CCDC66: variants seen among roughly 807,000 people sequenced by gnomAD.
CCDC66 encodes the protein coiled-coil domain containing 66, also known as coiled-coil domain-containing protein 66.
CCDC66 carries 133 observed loss-of-function variants against 128.3 expected under a neutral mutation model. That is an observed-to-expected ratio of 1.04 (90% CI 0.90 to 1.20). The LOEUF (loss-of-function observed/expected upper bound fraction) is 1.20. Ranked by LOEUF, CCDC66 falls within the 50% of genes most tolerant of loss-of-function variation. The pLI, the probability that CCDC66 is intolerant of heterozygous loss-of-function variation, is 0.00. For missense variants in CCDC66, 1,126 were observed against 1,075.5 expected, an observed-to-expected ratio of 1.05 and a Z score of -0.66; for synonymous variants, 387 against 357.0, an observed-to-expected ratio of 1.08 and a Z score of -0.95.
intron 7 of CCDC66, among the ~76,000 whole-genome samples, chr3:56,585,456 C>G (rs757951605): frequency 6.6e-6 from 1 of 151,700 alleles, no homozygotes; most frequent in Non-Finnish European, 1.5e-5. Flanking sequence ...AAAATACAAT[C>G]TTGAATCATA....
chr3:56,571,204 A>G lies in CCDC66; in HGVS notation c.838A>G (p.Lys280Glu), dbSNP rs1248352428. The change falls in exon 7 of 18, where the codon AAA (lysine) becomes GAA (glutamate). Residue 280 changes from lysine to glutamate, a missense_variant. Transcript: ENST00000394672. Reference protein sequence around the residue: ...ELDEQVALKKKEKEVSEKWND... With the variant: ...ELDEQVALKKEEKEVSEKWND... ...AGATGAACAGGTTGCTTTAAAGAAG[A>G]AAGAAAAAGAAGTTTCTGAAAAATG... 2 of 1,529,034 alleles carry G rather than the reference A, an allele frequency of 1.3e-6. No individual in the cohort carries two copies. The highest frequency in any genetic ancestry group is 1.2e-5 in the South Asian group (1 of 84,110). The allele number at this position is 1,529,034 out of a possible 1,614,324, so 94.7% of individuals were successfully genotyped here.
intron 10 of CCDC66, among the ~76,000 whole-genome samples, chr3:56,602,342 CT>C (rs1314434266): frequency 1.3e-5 from 2 of 152,142 alleles, no homozygotes; most frequent in African/African-American, 2.4e-5. Flanking sequence ...GCTGGATAAG[CT>C]TTTTGATGTG....
At chr3:56,597,777 G>GTTTTTTTTTTTTTTGTTTTTT (rs2072315627) in intron 10 of CCDC66, among the ~76,000 whole-genome samples, 1 of 87,964 alleles carries the variant, frequency 1.1e-5, no homozygotes, top group Non-Finnish European at 2.1e-5. Context: ...TTGTTTTGGG[G>GTTTTTTTTTTTTTTGTTTTTT]TTTTTTTTTT....
intron 10 of CCDC66, among the ~76,000 whole-genome samples, chr3:56,598,418 C>T (rs2072524978): frequency 6.6e-6 from 1 of 150,596 alleles, no homozygotes; most frequent in Non-Finnish European, 1.5e-5. Flanking sequence ...ATTTATCTTG[C>T]CTGGTTGCTC....
At chr3:56,612,738 A>G (rs2075014283) in intron 10 of CCDC66, among the ~76,000 whole-genome samples, 2 of 152,084 alleles carry the variant, frequency 1.3e-5, no homozygotes, top group South Asian at 4.1e-4. Context: ...TGGCAGGTTG[A>G]TTGGGCCCAT....
rs551012431 is a variant in CCDC66 at position 56,599,238 on chromosome 3, G to C, written c.1404+5210G>C. Among the ~76,000 whole-genome samples, 28 of 152,012 alleles carry C rather than the reference G, an allele frequency of 1.8e-4. No individual in the cohort carries two copies. The South Asian group carries it at 5.8e-3, about 32-fold the overall frequency. On this transcript the variant is annotated intron_variant, in intron 10 of 17. Transcript: ENST00000394672. ...TCATAATAGCCTCTGATGATCTCTT[G>C]TATTTCTGTGGTATCAGTTGTAATT...
chr3:56,580,238 T>C (rs1221746903), intron 7 of CCDC66, among the ~76,000 whole-genome samples: 2 of 151,362 alleles, frequency 1.3e-5, no homozygotes, highest in Non-Finnish European at 2.9e-5. Flanking sequence ...CAACCCCTGC[T>C]TTTTTTTGTT....
chr3:56,619,701 G>A (rs2107457946), intron 16 of CCDC66, 76 bp from the exon 17 acceptor site: 3 of 1,542,882 alleles, frequency 1.9e-6, no homozygotes, highest in African/African-American at 2.8e-5. Context: ...AATGACTCCT[G>A]ACAATATTAT....
chr3:56,557,304 C>T, intron 1 of CCDC66, 51 bp downstream of exon 1: 1 of 1,525,414 alleles, frequency 6.6e-7, no homozygotes, highest in Non-Finnish European at 8.8e-7. Flanking sequence ...TGGTCGTCAG[C>T]GGAGAGGGAG....
intron 10 of CCDC66, among the ~76,000 whole-genome samples, chr3:56,612,648 C>T (rs1157274287): frequency 2.6e-5 from 4 of 152,044 alleles, no homozygotes; most frequent in Admixed American, 2.0e-4. Context: ...GTGGTGTTGG[C>T]GGTGGCTATA....
chr3:56,577,312 C>G (rs57861120), intron 7 of CCDC66, among the ~76,000 whole-genome samples: 1 of 151,584 alleles, frequency 6.6e-6, no homozygotes, highest in African/African-American at 2.4e-5. Flanking sequence ...TTTATAGATT[C>G]TGGATATTAG....
intron 5 of CCDC66, 32 bp from the exon 6 acceptor site, chr3:56,566,918 C>G (rs767769085): frequency 6.4e-7 from 1 of 1,556,298 alleles, no homozygotes; most frequent in Non-Finnish European, 8.8e-7. Context: ...ATGTATGATA[C>G]AGTTTCTGTT....
At chr3:56,588,363 C>G (rs554847632) in intron 7 of CCDC66, among the ~76,000 whole-genome samples, 1 of 152,208 alleles carries the variant, frequency 6.6e-6, no homozygotes, top group Non-Finnish European at 1.5e-5. Flanking sequence ...CTATACTGCT[C>G]GGGTGATGCA....
chr3:56,590,725 C>T (rs1276326565), intron 7 of CCDC66, among the ~76,000 whole-genome samples: 1 of 151,730 alleles, frequency 6.6e-6, no homozygotes, highest in Non-Finnish European at 1.5e-5. Flanking sequence ...TGCACTCCAG[C>T]CTGGGTGACA....
Position 56,584,827 on chromosome 3 carries a change from C to T in CCDC66, c.937-8143C>T, listed in dbSNP as rs564033449. Among the ~76,000 whole-genome samples, 231 of 152,042 alleles carry T rather than the reference C, an allele frequency of 1.5e-3. 1 individual carries two copies. Among genetic ancestry groups the T allele is most frequent in the African/African-American group, 5.4e-3 (223 of 41,554 alleles). ...ATTGAGCACTGAGTGAACGAGACTC[C>T]GTCTGCAATCCCAGCACCTCGGGAG... On this transcript the variant is annotated intron_variant, in intron 7 of 17. Transcript: ENST00000394672.
intron 7 of CCDC66, among the ~76,000 whole-genome samples, chr3:56,581,536 C>A (rs988366521): frequency 2.2e-4 from 34 of 151,850 alleles, no homozygotes; most frequent in Admixed American, 1.7e-3. Flanking sequence ...TTCTCCCCAT[C>A]TGTGTGGTTT....
At chr3:56,566,900 G>A (rs1197307181) in intron 5 of CCDC66, 50 bp from the exon 6 acceptor site, 1 of 1,523,198 alleles carries the variant, frequency 6.6e-7, no homozygotes, top group Non-Finnish European at 9.1e-7. Context: ...GGAGTCAGTT[G>A]TGTAGAAATG....
At chr3:56,584,176 G>A (rs185863201) in intron 7 of CCDC66, among the ~76,000 whole-genome samples, 6,109 of 145,186 alleles carry the variant, frequency 0.042, 244 homozygotes, top group East Asian at 0.083. Flanking sequence ...CCTCCCGGGC[G>A]GGGCGGCTGC....
chr3:56,603,776 G>A (rs1288071908), intron 10 of CCDC66, among the ~76,000 whole-genome samples: 1 of 152,000 alleles, frequency 6.6e-6, no homozygotes, highest in Non-Finnish European at 1.5e-5. Context: ...ATTTGGGGTG[G>A]AGAGTTCTGT....
Sources: gnomAD v4.1 joint callset for allele counts (sites outside exome capture counted in the v4.1 genomes callset) on GRCh38, gnomAD v4.1.1 for gene constraint, MANE v1.5 for transcripts, NCBI Gene and HGNC (gene_info 2026-07-23, HGNC 2026-07-21) for gene names.